IL26: variants seen among roughly 807,000 people sequenced by gnomAD.
IL26 encodes the protein interleukin-26.
IL26 carries 23 observed loss-of-function variants against 21.7 expected under a neutral mutation model. The observed-to-expected ratio is 1.06, with a 90% CI of 0.76 to 1.50. The LOEUF is 1.50. Ranked by LOEUF, IL26 falls within the 40% of genes most tolerant of loss-of-function variation. The probability of loss-of-function intolerance (pLI) is 0.00; values close to 1 mark genes in which losing one functional copy is unlikely to be tolerated. For missense variants in IL26, 204 were observed against 196.0 expected (o/e 1.04, Z -0.24); for synonymous variants, 63 against 67.8 (o/e 0.93, Z 0.34).
At chr12:68,218,836 T>C (rs1021714876) in intron 3 of IL26, among the ~76,000 whole-genome samples, 15 of 151,940 alleles carry the variant, frequency 9.9e-5, no homozygotes, top group Non-Finnish European at 1.8e-4. Context: ...GAATATGTTA[T>C]GAGTAAAAGG....
Position 68,223,868 on chromosome 12 carries a change from G to A in IL26, c.363+1281C>T, listed in dbSNP as rs1592902328. ...AACACAAACTAAGCAAAGAAATAGA[G>A]AACTTAAATTTGGTGGTTTTTTTTT... On this transcript the variant is annotated intron_variant, in intron 3 of 4. Coordinates refer to ENST00000229134, the MANE Select transcript of IL26 (RefSeq NM_018402.2). 3.0e-5 allele frequency among the ~76,000 whole-genome samples: 4 copies of A among 134,530 alleles called. No individual in the cohort carries two copies. In the South Asian group the frequency reaches 7.4e-4, roughly 25 times the overall value. The allele number at this position is 134,530 out of a possible 152,430, so 88.3% of individuals were successfully genotyped here.
At position 68,202,064 on chromosome 12, in the gene IL26, G is replaced by A. The variant is rs376659677; in HGVS notation, c.383C>T (p.Ala128Val). Reference sequence around the variant, plus strand: ...CCTGGTAATGGATTTCATCTCTCTAGCTGATGAAGCACAGGAAATCTAAGA... The same window carrying A: ...CCTGGTAATGGATTTCATCTCTCTAACTGATGAAGCACAGGAAATCTAAGA... ...LSHCISCASS[A>V]REMKSITRMK... The change falls in exon 4 of 5, where the codon GCT becomes GTT. Residue 128 changes from alanine to valine, a missense_variant. Physicochemically the swap from Ala to Val is moderately conservative, Grantham distance 64. Coordinates refer to ENST00000229134, the MANE Select transcript of IL26 (RefSeq NM_018402.2). 2.3e-5 allele frequency: 37 copies of A among 1,580,174 alleles called. No individual in the cohort carries two copies. The highest frequency in any genetic ancestry group is 3.0e-5 in the Non-Finnish European group (35 of 1,156,326).
intron 3 of IL26, among the ~76,000 whole-genome samples, chr12:68,211,415 A>G (rs1230297717): frequency 6.6e-6 from 1 of 152,176 alleles, no homozygotes; most frequent in Non-Finnish European, 1.5e-5. Context: ...TCTTTAGGAT[A>G]TATATCCAGT....
At chr12:68,204,841 T>C (rs1868490582) in intron 3 of IL26, among the ~76,000 whole-genome samples, 2 of 152,212 alleles carry the variant, frequency 1.3e-5, no homozygotes, top group South Asian at 4.1e-4. Context: ...TGTAAATGTG[T>C]CCACAGGTCC....
intron 3 of IL26, among the ~76,000 whole-genome samples, chr12:68,202,691 C>T (rs1868422078): frequency 6.6e-6 from 1 of 152,160 alleles, no homozygotes; most frequent in Non-Finnish European, 1.5e-5. Context: ...CACCTCCCGT[C>T]AGGTCCCTCC....
At chr12:68,216,939 A>G (rs576367339) in intron 3 of IL26, among the ~76,000 whole-genome samples, 1 of 152,354 alleles carries the variant, frequency 6.6e-6, no homozygotes, top group African/African-American at 2.4e-5. Context: ...AAATTATTTT[A>G]TGAATCCAAT....
rs1450376548 is a variant in IL26, at chr12:68,201,393, G to C, written c.*452C>G. 1 of 153,644 alleles carries C rather than the reference G, an allele frequency of 6.5e-6. No individual in the cohort carries two copies. The highest frequency in any genetic ancestry group is 2.4e-5 in the African/African-American group (1 of 41,440). 9.5% of individuals were successfully genotyped at this position (153,644 alleles called of 1,614,324 possible). A position where few individuals can be genotyped will look rare whatever the true frequency, so the allele number is the denominator to read the frequency against. Reference sequence around the variant, plus strand: ...TTTAATTAAAATCAAAATGTGTTAAGTACTAAGTTCACACTGGGCATAATT... The same window carrying C: ...TTTAATTAAAATCAAAATGTGTTAACTACTAAGTTCACACTGGGCATAATT... On this transcript the variant is annotated 3_prime_UTR_variant, in exon 5 of 5. Coordinates refer to ENST00000229134, the MANE Select transcript of IL26 (RefSeq NM_018402.2).
chr12:68,205,069 T>A (rs1868496760), intron 3 of IL26, among the ~76,000 whole-genome samples: 1 of 152,182 alleles, frequency 6.6e-6, no homozygotes, highest in Admixed American at 6.5e-5. Flanking sequence ...AGGCAAATTA[T>A]TGGTAGGGCT....
chr12:68,208,797 G>A (rs185240391), intron 3 of IL26, among the ~76,000 whole-genome samples: 4 of 152,272 alleles, frequency 2.6e-5, no homozygotes, highest in Admixed American at 2.6e-4. Context: ...ACCACGCCCA[G>A]CCAGCATTTT....
chr12:68,223,453 T>C (rs1869120686), intron 3 of IL26, among the ~76,000 whole-genome samples: 1 of 152,270 alleles, frequency 6.6e-6, no homozygotes. Context: ...TTTCCTAAGC[T>C]TTTCATCTAG....
At chr12:68,215,422 C>A (rs1868849081) in intron 3 of IL26, among the ~76,000 whole-genome samples, 1 of 152,118 alleles carries the variant, frequency 6.6e-6, no homozygotes. Context: ...CTGTCTTATC[C>A]TCATATATTA....
chr12:68,204,581 A>C (rs934628566), intron 3 of IL26, among the ~76,000 whole-genome samples: 1 of 152,214 alleles, frequency 6.6e-6, no homozygotes, highest in Non-Finnish European at 1.5e-5. Context: ...TGCATCCCAC[A>C]GCAGGTGGGA....
chr12:68,225,154 G>A lies in IL26; in HGVS notation c.358C>T (p.His120Tyr). ...DFHSLRQKLSHCISCASSARE... is the reference protein window; with the variant it reads ...DFHSLRQKLSYCISCASSARE... ...TATTTGTTGTGTATACTTACACAGT[G>A]GCTCAATTTCTGCCTAAGGCTATGA... The change falls in exon 3 of 5, where the codon CAC (histidine) becomes TAC (tyrosine). Residue 120 changes from histidine to tyrosine, a missense_variant. His to Tyr is a moderately conservative substitution (Grantham distance 83, BLOSUM62 2). Coordinates refer to ENST00000229134, the MANE Select transcript of IL26 (RefSeq NM_018402.2). The A allele has an allele frequency of 6.2e-7, 1 of 1,608,890 alleles. No homozygotes were observed. Among genetic ancestry groups the A allele is most frequent in the Non-Finnish European group, 8.5e-7 (1 of 1,178,374 alleles).
Position 68,201,368 on chromosome 12 carries a change from T to C in IL26, c.*477A>G, listed in dbSNP as rs1868387014. On this transcript the variant is annotated 3_prime_UTR_variant, in exon 5 of 5. Transcript: ENST00000229134. ...ACCCAGGAGAAGGAAACCCAATTTA[T>C]TTAATTAAAATCAAAATGTGTTAAG... 1 of 152,642 alleles carries C rather than the reference T, an allele frequency of 6.6e-6. No homozygotes were observed. Among genetic ancestry groups the C allele is most frequent in the Non-Finnish European group, 1.5e-5 (1 of 68,286 alleles). 9.5% of individuals were successfully genotyped at this position (152,642 alleles called of 1,614,324 possible).
chr12:68,221,084 G>C (rs1869032442), intron 3 of IL26, among the ~76,000 whole-genome samples: 1 of 152,142 alleles, frequency 6.6e-6, no homozygotes, highest in Non-Finnish European at 1.5e-5. Flanking sequence ...ATTTCCAGAA[G>C]TGGGAATTAG....
chr12:68,214,740 T>C (rs1396581718), intron 3 of IL26, among the ~76,000 whole-genome samples: 1 of 152,164 alleles, frequency 6.6e-6, no homozygotes, highest in Non-Finnish European at 1.5e-5. Flanking sequence ...TGAAGCAAGT[T>C]TCTTATAGGT....
At position 68,208,828 on chromosome 12, in the gene IL26, G is replaced by C. The variant is rs973679033; in HGVS notation, c.364-6745C>G. 6.6e-5 allele frequency among the ~76,000 whole-genome samples: 10 copies of C among 152,142 alleles called. No homozygotes were observed. The East Asian group carries it at 1.5e-3, about 23-fold the overall frequency. ...ATTTTCAATGAGCTCTATGAGGACA[G>C]AAGTATTGTCTGTCGATTTTCATTG... On this transcript the variant is annotated intron_variant, in intron 3 of 4. Transcript: ENST00000229134.
At chr12:68,203,351 T>A (rs1592893677) in intron 3 of IL26, among the ~76,000 whole-genome samples, 1 of 152,240 alleles carries the variant, frequency 6.6e-6, no homozygotes, top group African/African-American at 2.4e-5. Flanking sequence ...TTTATCTACT[T>A]AGTTTTTACT....
Position 68,201,610 on chromosome 12 carries a change from C to T in IL26, c.*235G>A. The T allele has an allele frequency of 8.1e-6, 3 of 370,096 alleles. No individual in the cohort carries two copies. In the Admixed American group the frequency reaches 1.3e-4, roughly 16 times the overall value. 22.9% of individuals were successfully genotyped at this position (370,096 alleles called of 1,614,324 possible). A position where few individuals can be genotyped will look rare whatever the true frequency, so the allele number is the denominator to read the frequency against. On this transcript the variant is annotated 3_prime_UTR_variant, in exon 5 of 5. Transcript: ENST00000229134. ...GTTGACACAATGTACTTGTGAATGA[C>T]AAAACATGTTCAGAATGGAAACATT...
Sources: allele counts gnomAD v4.1 joint callset (sites outside exome capture counted in the v4.1 genomes callset), GRCh38; gene constraint gnomAD v4.1.1; transcripts MANE v1.5; gene names NCBI Gene and HGNC (gene_info 2026-07-23, HGNC 2026-07-21).